SERPINF2: variants seen among roughly 807,000 people sequenced by gnomAD.
SERPINF2 encodes the protein alpha-2-antiplasmin.
A neutral mutation model predicts 45.0 loss-of-function variants in SERPINF2; 15 were observed. That is an observed-to-expected ratio of 0.33 (90% CI 0.22 to 0.51). The LOEUF (loss-of-function observed/expected upper bound fraction) is 0.51. Among genes scored for constraint, SERPINF2 ranks in the 20% least tolerant of loss-of-function variants. SERPINF2 has a pLI of 0.97. For missense variants in SERPINF2, 518 were observed against 637.4 expected, an observed-to-expected ratio of 0.81 and a Z score of 2.02; for synonymous variants, 283 against 277.9, an observed-to-expected ratio of 1.02 and a Z score of -0.18.
In SERPINF2 at chr17:1,742,892, G is replaced by T. The variant is rs1905419921; in HGVS notation, c.-21G>T. ...GGCCAGAGGAACGTTGTGTGTGGCA[G>T]CAAGGAGCCCGCAGAGGTATGAGGG... On this transcript the variant is annotated 5_prime_UTR_variant, in exon 1 of 10. Coordinates refer to ENST00000453066, the MANE Select transcript of SERPINF2 (RefSeq NM_000934.4). 1 of 985,542 alleles carries T rather than the reference G, an allele frequency of 1.0e-6. No homozygotes were observed. 61.0% of individuals were successfully genotyped at this position (985,542 alleles called of 1,614,324 possible).
Position 1,754,684 on chromosome 17 carries a change from G to GT in SERPINF2, c.*151dup. On this transcript the variant is annotated 3_prime_UTR_variant, in exon 10 of 10. Coordinates refer to ENST00000453066, the MANE Select transcript of SERPINF2 (RefSeq NM_000934.4). ...CCCAACACCTCTTGGGGAGTTTAGG[G>GT]TGGGGGGGGGGCGCGGCTGGGAGGA... 1 of 324,280 alleles carries GT rather than the reference G, an allele frequency of 3.1e-6. No individual in the cohort carries two copies. 20.1% of individuals were successfully genotyped at this position (324,280 alleles called of 1,614,324 possible).
intron 8 of SERPINF2, among the ~76,000 whole-genome samples, chr17:1,749,210 A>G (rs972441964): frequency 2.0e-5 from 3 of 152,122 alleles, no homozygotes; most frequent in Non-Finnish European, 4.4e-5. Context: ...GGTGGATCAT[A>G]AGGTCAGGAG....
At position 1,754,642 on chromosome 17, in the gene SERPINF2, G is replaced by C. The variant is rs1246456548; in HGVS notation, c.*108G>C. 4 of 1,018,584 alleles carry C rather than the reference G, an allele frequency of 3.9e-6. No individual in the cohort carries two copies. Among genetic ancestry groups the C allele is most frequent in the Non-Finnish European group, 5.5e-6 (4 of 728,366 alleles). 63.1% of individuals were successfully genotyped at this position (1,018,584 alleles called of 1,614,324 possible). ...CTGGGGCAGGGGCCGGGGGCAGTCT[G>C]AGAGAGGCCATTCTTTCCCAACACC... On this transcript the variant is annotated 3_prime_UTR_variant, in exon 10 of 10. Coordinates refer to ENST00000453066, the MANE Select transcript of SERPINF2 (RefSeq NM_000934.4).
chr17:1,750,380 C>A (rs1274936510), intron 8 of SERPINF2, among the ~76,000 whole-genome samples: 1 of 152,060 alleles, frequency 6.6e-6, no homozygotes, highest in Non-Finnish European at 1.5e-5. Flanking sequence ...ATCTCCTGAC[C>A]TCGTGATCCG....
intron 1 of SERPINF2, among the ~76,000 whole-genome samples, chr17:1,743,909 T>C (rs1273716890): frequency 6.6e-6 from 1 of 151,106 alleles, no homozygotes; most frequent in Non-Finnish European, 1.5e-5. Flanking sequence ...TCTTATTTAT[T>C]TTTTTGAGAC....
intron 6 of SERPINF2, 26 bp from the exon 7 acceptor site, chr17:1,747,283 G>A: frequency 6.2e-7 from 1 of 1,612,958 alleles, no homozygotes; most frequent in South Asian, 1.1e-5. Flanking sequence ...GGAGCCCTGG[G>A]AACAGCTTGT....
At chr17:1,743,021 C>T in intron 1 of SERPINF2, 113 bp downstream of exon 1, 5 of 985,382 alleles carry the variant, frequency 5.1e-6, no homozygotes, top group Non-Finnish European at 6.0e-6. Flanking sequence ...TCCCCAGCCT[C>T]TTCTGGGACT....
rs1567738073 is a variant in SERPINF2, at chr17:1,745,721, A to G, written c.179A>G (p.Gln60Arg). ...LKLGNQEPGG[Q>R]TALKSPPGVC... ...CTGTCCCTGCAGGAGCCTGGTGGCC[A>G]GACTGCCCTGAAGAGTCCCCCAGGA... is the stretch of plus-strand genomic sequence containing the variant. The change falls in exon 5 of 10, where the codon CAG becomes CGG. Residue 60 changes from glutamine to arginine, a missense_variant. Gln to Arg is a conservative substitution (Grantham distance 43, BLOSUM62 1). This residue lies in a region of SERPINF2 where 435 missense variants were observed against 577.3 expected (regional missense o/e 0.75). Coordinates refer to ENST00000453066, the MANE Select transcript of SERPINF2 (RefSeq NM_000934.4). This position sits in a 1 kb window ranked among gnomAD's most constrained non-coding sequence, Gnocchi z 6.2. 1.6e-5 allele frequency: 26 copies of G among 1,613,660 alleles called. No homozygotes were observed. The highest frequency in any genetic ancestry group is 2.2e-5 in the Non-Finnish European group (26 of 1,179,996).
chr17:1,754,417 C>G lies in SERPINF2; in HGVS notation c.1359C>G (p.Asn453Lys). Residue 453 changes from asparagine (N) to lysine (K), a missense_variant, in exon 10 of 10, where the codon AAC becomes AAG. Asn to Lys is a moderately conservative substitution (Grantham distance 94). Transcript: ENST00000453066. ...AGGAACAGCAGGATTCCCCGGGCAA[C>G]AAGGACTTCCTCCAGAGCCTGAAAG... is the stretch of plus-strand genomic sequence containing the variant. ...ELKEQQDSPG[N>K]KDFLQSLKGF... 6.2e-7 allele frequency: 1 copy of G among 1,613,120 alleles called. No individual in the cohort carries two copies. The highest frequency in any genetic ancestry group is 8.5e-7 in the Non-Finnish European group (1 of 1,179,240).
At chr17:1,743,336 T>C (rs1464972430) in intron 1 of SERPINF2, among the ~76,000 whole-genome samples, 1 of 152,208 alleles carries the variant, frequency 6.6e-6, no homozygotes, top group Non-Finnish European at 1.5e-5. Flanking sequence ...AAAAGGCAGC[T>C]CTCTGGCTGC....
At position 1,744,978 on chromosome 17, in the gene SERPINF2, T is replaced by C. The variant is rs1438965082; in HGVS notation, c.-4-14T>C. ...GATGTGAGATGGGAACAGAGCTTTC[T>C]GTCCCTGCCACAGGAACATGGCGCT... is the stretch of plus-strand genomic sequence containing the variant. On this transcript the variant is annotated splice_polypyrimidine_tract_variant and intron_variant, in intron 1 of 9. Coordinates refer to ENST00000453066, the MANE Select transcript of SERPINF2 (RefSeq NM_000934.4). 6.2e-7 allele frequency: 1 copy of C among 1,613,732 alleles called. No individual in the cohort carries two copies. The highest frequency in any genetic ancestry group is 1.7e-5 in the Admixed American group (1 of 60,006).
At chr17:1,744,259 G>A (rs1905583917) in intron 1 of SERPINF2, among the ~76,000 whole-genome samples, 2 of 151,640 alleles carry the variant, frequency 1.3e-5, no homozygotes, top group African/African-American at 2.4e-5. Context: ...TTGGGAGGCC[G>A]AGGCAGGAGG....
chr17:1,745,412 C>G lies in SERPINF2; in HGVS notation c.165+17C>G. The G allele has an allele frequency of 8.8e-7, 1 of 1,142,706 alleles. No individual in the cohort carries two copies. The highest frequency in any genetic ancestry group is 1.1e-6 in the Non-Finnish European group (1 of 904,644). The allele number at this position is 1,142,706 out of a possible 1,614,324, so 70.8% of individuals were successfully genotyped here. Reference sequence around the variant, plus strand: ...GGCAACCAGGTACAACCAGGTGGGGCTGGGGAAGAGTGGGCGGGGCTAGAG... The same window carrying G: ...GGCAACCAGGTACAACCAGGTGGGGGTGGGGAAGAGTGGGCGGGGCTAGAG... On this transcript the variant is annotated intron_variant, in intron 4 of 9. Coordinates refer to ENST00000453066, the MANE Select transcript of SERPINF2 (RefSeq NM_000934.4). The surrounding 1 kb of genome is among the most constrained non-coding windows in gnomAD (Gnocchi z 6.2).
intron 8 of SERPINF2, among the ~76,000 whole-genome samples, chr17:1,750,961 C>T (rs1469912605): frequency 6.6e-6 from 1 of 152,156 alleles, no homozygotes; most frequent in African/African-American, 2.4e-5. Flanking sequence ...GTCTCCTTTC[C>T]TTAGGCCCCG....
chr17:1,750,654 G>A (rs1906307517), intron 8 of SERPINF2, among the ~76,000 whole-genome samples: 1 of 152,126 alleles, frequency 6.6e-6, no homozygotes, highest in Admixed American at 6.6e-5. Context: ...GCCTAAATGT[G>A]GTCCCCTTGG....
At chr17:1,743,236 C>T (rs1393864672) in intron 1 of SERPINF2, among the ~76,000 whole-genome samples, 1 of 152,198 alleles carries the variant, frequency 6.6e-6, no homozygotes, top group Admixed American at 6.5e-5. Context: ...CCTGCCCTTC[C>T]CAGAGCCAGC....
intron 8 of SERPINF2, among the ~76,000 whole-genome samples, chr17:1,749,654 C>T (rs866509977): frequency 6.6e-6 from 1 of 152,294 alleles, no homozygotes; most frequent in Non-Finnish European, 1.5e-5. Flanking sequence ...CCCACCTCGG[C>T]CTCCCTAAGT....
rs767903281 is a variant in SERPINF2, at chr17:1,745,448, C to T, written c.165+53C>T. 214 of 1,559,008 alleles carry T rather than the reference C, an allele frequency of 1.4e-4. 1 individual carries two copies. Among genetic ancestry groups the T allele is most frequent in the Admixed American group, 3.4e-5 (2 of 58,722 alleles). ...TGGGCGGGGCTAGAGGGAGGAGGGC[C>T]CATCGGCAGGGGTCGGGGGGTGGGG... On this transcript the variant is annotated intron_variant, in intron 4 of 9. Coordinates refer to ENST00000453066, the MANE Select transcript of SERPINF2 (RefSeq NM_000934.4). This position sits in a 1 kb window ranked among gnomAD's most constrained non-coding sequence, Gnocchi z 6.2.
In SERPINF2 at chr17:1,744,986, C is replaced by A; in HGVS notation, c.-4-6C>A. ...ATGGGAACAGAGCTTTCTGTCCCTG[C>A]CACAGGAACATGGCGCTGCTCTGGG... On this transcript the variant is annotated splice_polypyrimidine_tract_variant and splice_region_variant and intron_variant, in intron 1 of 9. Transcript: ENST00000453066. 1 of 1,613,864 alleles carries A rather than the reference C, an allele frequency of 6.2e-7. No individual in the cohort carries two copies. The highest frequency in any genetic ancestry group is 8.5e-7 in the Non-Finnish European group (1 of 1,179,996).
Sources: gnomAD v4.1 joint callset for allele counts (sites outside exome capture counted in the v4.1 genomes callset) on GRCh38, gnomAD v4.1.1 for gene constraint, gnomAD v4.1.1 regional missense constraint, Gnocchi (gnomAD v3.1) non-coding constraint, MANE v1.5 for transcripts, NCBI Gene and HGNC (gene_info 2026-07-23, HGNC 2026-07-21) for gene names.